Variants in TRAPPC8 observed in about 807,000 individuals in gnomAD.
TRAPPC8 encodes trafficking protein particle complex subunit 8.
In TRAPPC8, 54 loss-of-function variants were observed where a neutral mutation model predicts 174.3. The ratio of observed to expected loss-of-function variants is 0.31; its 90% CI spans 0.25 to 0.39. The LOEUF (loss-of-function observed/expected upper bound fraction) is 0.39. TRAPPC8 is among the 10% of genes least tolerant of loss of function. The pLI is 1.00. For synonymous variants in TRAPPC8, 630 were observed against 579.9 expected, an observed-to-expected ratio of 1.09 and a Z score of -1.24; for missense variants, 1,531 against 1,699.1, an observed-to-expected ratio of 0.90 and a Z score of 1.74.
chr18:31,880,090 AAT>A lies in TRAPPC8; in HGVS notation c.1729-5388_1729-5387del, dbSNP rs1246506445. Among the ~76,000 whole-genome samples the A allele has an allele frequency of 2.5e-3, 215 of 85,312 alleles. 2 individuals are homozygous for A. Among genetic ancestry groups the A allele is most frequent in the South Asian group, 6.0e-3 (12 of 2,014 alleles). 56.0% of individuals were successfully genotyped at this position (85,312 alleles called of 152,430 possible). A position where few individuals can be genotyped will look rare whatever the true frequency, so the allele number is the denominator to read the frequency against. On this transcript the variant is annotated intron_variant, in intron 12 of 28. Coordinates refer to ENST00000283351, the MANE Select transcript of TRAPPC8 (RefSeq NM_014939.5). ...TTTTACTGAAACTATTGAAAAAAAAAATATATATATATATATATATATATATA... is the reference window on the plus strand; with the variant it reads ...TTTTACTGAAACTATTGAAAAAAAAAATATATATATATATATATATATATA...
chr18:31,866,289 A>T (rs2034582122), intron 18 of TRAPPC8, among the ~76,000 whole-genome samples: 1 of 152,132 alleles, frequency 6.6e-6, no homozygotes, highest in African/African-American at 2.4e-5. Flanking sequence ...CCCTGAGTTT[A>T]AAAAACAAAG....
chr18:31,942,740 G>C lies in TRAPPC8; in HGVS notation c.25C>G (p.Gln9Glu). 1 of 1,589,164 alleles carries C rather than the reference G, an allele frequency of 6.3e-7. No individual in the cohort carries two copies. The highest frequency in any genetic ancestry group is 8.6e-7 in the Non-Finnish European group (1 of 1,168,502). The change falls in exon 1 of 29, where the codon CAG becomes GAG. Residue 9 changes from glutamine (Q) to glutamate (E), a missense_variant. Physicochemically the swap from Gln to Glu is conservative, Grantham distance 29 (BLOSUM62 2). Transcript: ENST00000283351. ...ACGAAGGAGTCCGGGATTAGCTCCTGCACTGATTGTACACACTGGGCCATC... is the reference window on the plus strand; with the variant it reads ...ACGAAGGAGTCCGGGATTAGCTCCTCCACTGATTGTACACACTGGGCCATC... MAQCVQSV[Q>E]ELIPDSFVPC... is the part of the protein sequence containing the mutation.
At chr18:31,838,068 C>T (rs1043553124) in intron 27 of TRAPPC8, among the ~76,000 whole-genome samples, 3 of 151,928 alleles carry the variant, frequency 2.0e-5, no homozygotes, top group Non-Finnish European at 4.4e-5. Context: ...CTAATGGGCT[C>T]AAGCGATCCT....
At chr18:31,912,899 G>A (rs1291160919) in intron 5 of TRAPPC8, among the ~76,000 whole-genome samples, 1 of 152,122 alleles carries the variant, frequency 6.6e-6, no homozygotes, top group African/African-American at 2.4e-5. Context: ...AAGTTAAGGT[G>A]GGCAGATCAC....
chr18:31,921,649 G>T (rs957069520), intron 2 of TRAPPC8, among the ~76,000 whole-genome samples: 6 of 151,648 alleles, frequency 4.0e-5, no homozygotes, highest in Admixed American at 2.6e-4. Flanking sequence ...TTATCTTTGA[G>T]ATTTGATTTG....
rs10650702 is a variant in TRAPPC8 at position 31,935,548 on chromosome 18, TAAAAAA to T, written c.158-4031_158-4026del. Among the ~76,000 whole-genome samples the T allele has an allele frequency of 2.2e-4, 10 of 46,284 alleles. 1 individual carries two copies. The highest frequency in any genetic ancestry group is 8.2e-4 in the South Asian group (1 of 1,218). The allele number at this position is 46,284 out of a possible 152,430, so 30.4% of individuals were successfully genotyped here. A position where few individuals can be genotyped will look rare whatever the true frequency, so the allele number is the denominator to read the frequency against. ...GGGCAACAAGAGCGAAACTCCATCT[TAAAAAA>T]AAAAAAAAAAAAAAGCAGGCTTTAT... is the stretch of plus-strand genomic sequence containing the variant. On this transcript the variant is annotated intron_variant, in intron 1 of 28. Coordinates refer to ENST00000283351, the MANE Select transcript of TRAPPC8 (RefSeq NM_014939.5).
chr18:31,839,187 T>C lies in TRAPPC8; in HGVS notation c.3983+125A>G, dbSNP rs1471393437. The C allele has an allele frequency of 5.5e-6, 5 of 902,634 alleles. No homozygotes were observed. In the Admixed American group the frequency reaches 9.5e-5, roughly 17 times the overall value. The allele number at this position is 902,634 out of a possible 1,614,324, so 55.9% of individuals were successfully genotyped here. A position where few individuals can be genotyped will look rare whatever the true frequency, so the allele number is the denominator to read the frequency against. ...TGAACTGTTTAGTTCAAGTATTCTATAGACTCAAAAACATTCTAAATTTCC... is the reference window on the plus strand; with the variant it reads ...TGAACTGTTTAGTTCAAGTATTCTACAGACTCAAAAACATTCTAAATTTCC... On this transcript the variant is annotated intron_variant, in intron 27 of 28. Transcript: ENST00000283351.
In TRAPPC8 at chr18:31,890,758, G is replaced by A. The variant is rs776869221; in HGVS notation, c.1705C>T (p.His569Tyr). 1.9e-6 allele frequency: 3 copies of A among 1,611,270 alleles called. No individual in the cohort carries two copies. The highest frequency in any genetic ancestry group is 1.7e-6 in the Non-Finnish European group (2 of 1,178,526). Reference protein sequence around the residue: ...KYAFHMILAGHRFSKAGQKKH... With the variant: ...KYAFHMILAGYRFSKAGQKKH... The stretch of plus-strand genomic sequence containing the variant: ...ACCTGCCCTGCTTTACTAAATCGAT[G>A]GCCTGCCAATATCATATGAAATGCA... The change falls in exon 12 of 29, where the codon CAT (histidine) becomes TAT (tyrosine). Residue 569 changes from histidine (H) to tyrosine (Y), a missense_variant. Physicochemically the swap from His to Tyr is moderately conservative, Grantham distance 83. Transcript: ENST00000283351.
In TRAPPC8 at chr18:31,853,424, C is replaced by G. The variant is rs184138314; in HGVS notation, c.3433+425G>C. 7.9e-5 allele frequency among the ~76,000 whole-genome samples: 12 copies of G among 152,250 alleles called. No individual in the cohort carries two copies. The East Asian group carries it at 2.3e-3, about 29-fold the overall frequency. ...CTGGGATTACAGGCGCCTGCCACCA[C>G]GCCCAGCTAATTTTTGTAGTTTTAG... On this transcript the variant is annotated intron_variant, in intron 22 of 28. Transcript: ENST00000283351.
chr18:31,880,917 C>T (rs1317140625), intron 12 of TRAPPC8, among the ~76,000 whole-genome samples: 1 of 151,674 alleles, frequency 6.6e-6, no homozygotes, highest in African/African-American at 2.4e-5. Flanking sequence ...CACACACACA[C>T]AAAATAAAAT....
chr18:31,871,128 A>C lies in TRAPPC8; in HGVS notation c.2063-8T>G. On this transcript the variant is annotated splice_region_variant and splice_polypyrimidine_tract_variant and intron_variant, in intron 14 of 28. Coordinates refer to ENST00000283351, the MANE Select transcript of TRAPPC8 (RefSeq NM_014939.5). ...TAGCTGCTTGTTTTTCACCTAAAAAAAATTTGTTAACAACACGTTTATGAA... is the reference window on the plus strand; with the variant it reads ...TAGCTGCTTGTTTTTCACCTAAAAACAATTTGTTAACAACACGTTTATGAA... 1 of 1,514,982 alleles carries C rather than the reference A, an allele frequency of 6.6e-7. No individual in the cohort carries two copies. Among genetic ancestry groups the C allele is most frequent in the Non-Finnish European group, 8.9e-7 (1 of 1,122,284 alleles). 93.8% of individuals were successfully genotyped at this position (1,514,982 alleles called of 1,614,324 possible).
At chr18:31,855,860 A>G (rs1353916528) in intron 20 of TRAPPC8, 53 bp from the exon 21 acceptor site, 3 of 1,531,850 alleles carry the variant, frequency 2.0e-6, no homozygotes, top group African/African-American at 1.4e-5. Flanking sequence ...TCTCTATGTT[A>G]TAATTATCTA....
At chr18:31,931,565 C>T in intron 1 of TRAPPC8, 42 bp from the exon 2 acceptor site, 1 of 1,478,436 alleles carries the variant, frequency 6.8e-7, no homozygotes, top group Admixed American at 2.3e-5. Flanking sequence ...TAATTCTATA[C>T]AATGCATAAT....
At chr18:31,892,753 G>A (rs1256281937) in intron 11 of TRAPPC8, among the ~76,000 whole-genome samples, 1 of 151,950 alleles carries the variant, frequency 6.6e-6, no homozygotes, top group Non-Finnish European at 1.5e-5. Flanking sequence ...AATGACACCC[G>A]GGAGCTCACA....
At position 31,857,724 on chromosome 18, in the gene TRAPPC8, CAGA is replaced by C. The variant is rs1253949531; in HGVS notation, c.3001_3003del (p.Ser1001del). ...CTTCCTGTGCCAATGCCAAAGTCTA[CAGA>C]AGAAGCTGATGATATGAGTGCTGTA... On this transcript the variant is annotated inframe_deletion, in exon 20 of 29. Coordinates refer to ENST00000283351, the MANE Select transcript of TRAPPC8 (RefSeq NM_014939.5). 6.2e-7 allele frequency: 1 copy of C among 1,614,018 alleles called. No individual in the cohort carries two copies. The highest frequency in any genetic ancestry group is 8.5e-7 in the Non-Finnish European group (1 of 1,180,026).
intron 27 of TRAPPC8, 109 bp downstream of exon 27, chr18:31,839,203 C>G: frequency 9.1e-7 from 1 of 1,099,712 alleles, no homozygotes; most frequent in South Asian, 2.0e-5. Context: ...CAAAAACATT[C>G]TAAATTTCCT....
chr18:31,841,120 T>C (rs1444723551), intron 26 of TRAPPC8, among the ~76,000 whole-genome samples: 1 of 152,050 alleles, frequency 6.6e-6, no homozygotes, highest in African/African-American at 2.4e-5. Flanking sequence ...TCAAATAAAG[T>C]TTAACAGCAT....
chr18:31,928,914 C>T (rs1487248602), intron 2 of TRAPPC8, among the ~76,000 whole-genome samples: 1 of 152,174 alleles, frequency 6.6e-6, no homozygotes, highest in Non-Finnish European at 1.5e-5. Flanking sequence ...GGAGTGGTGG[C>T]TCACGCCTGT....
intron 2 of TRAPPC8, among the ~76,000 whole-genome samples, chr18:31,922,972 G>C (rs2037454414): frequency 6.6e-6 from 1 of 152,178 alleles, no homozygotes; most frequent in Admixed American, 6.5e-5. Context: ...AGCCAAGAGA[G>C]AGCCACTGAA....
Sources: gnomAD v4.1 joint callset for allele counts (sites outside exome capture counted in the v4.1 genomes callset) on GRCh38, gnomAD v4.1.1 for gene constraint, MANE v1.5 for transcripts, NCBI Gene and HGNC (gene_info 2026-07-23, HGNC 2026-07-21) for gene names.